Variants in EDIL3 observed in about 807,000 individuals in gnomAD.
The protein encoded by EDIL3 is EGF-like repeat and discoidin I-like domain-containing protein 3.
Under a neutral mutation model 67.4 loss-of-function variants are expected in EDIL3, and 37 were observed. The observed-to-expected ratio is 0.55, with a 90% CI of 0.42 to 0.72. The LOEUF (loss-of-function observed/expected upper bound fraction) is 0.72. Ranked by LOEUF, EDIL3 falls within the 30% of genes least tolerant of loss-of-function variation. The pLI, the probability that EDIL3 is intolerant of heterozygous loss-of-function variation, is 0.00. For missense variants in EDIL3, 527 were observed against 586.3 expected, an observed-to-expected ratio of 0.90 and a Z score of 1.04; for synonymous variants, 195 against 196.3, an observed-to-expected ratio of 0.99 and a Z score of 0.05.
chr5:84,305,874 G>A (rs1044729961), intron 1 of EDIL3, among the ~76,000 whole-genome samples: 2 of 149,412 alleles, frequency 1.3e-5, no homozygotes, highest in Non-Finnish European at 3.0e-5. Flanking sequence ...GCAAGACTTG[G>A]TCTTAAAAGT....
chr5:83,984,582 T>C (rs1232146847), intron 9 of EDIL3, among the ~76,000 whole-genome samples: 3 of 151,724 alleles, frequency 2.0e-5, no homozygotes, highest in Non-Finnish European at 2.9e-5. Flanking sequence ...TGGCTCAGAG[T>C]TTATATGGCA....
intron 4 of EDIL3, among the ~76,000 whole-genome samples, chr5:84,158,539 AT>A (rs1748535404): frequency 6.6e-6 from 1 of 151,986 alleles, no homozygotes; most frequent in Admixed American, 6.6e-5. Context: ...CTAAAACATA[AT>A]TTTAAAGTGC....
chr5:84,311,817 C>G (rs1746395348), intron 1 of EDIL3, among the ~76,000 whole-genome samples: 1 of 152,136 alleles, frequency 6.6e-6, no homozygotes, highest in Non-Finnish European at 1.5e-5. Context: ...TTGCACCACC[C>G]TTAATCCATT....
intron 1 of EDIL3, among the ~76,000 whole-genome samples, chr5:84,369,461 G>A (rs1747802056): frequency 6.6e-6 from 1 of 152,048 alleles, no homozygotes; most frequent in Non-Finnish European, 1.5e-5. Flanking sequence ...AAGACATTAT[G>A]CTAAGTGAAA....
intron 1 of EDIL3, among the ~76,000 whole-genome samples, chr5:84,356,364 TG>T (rs1747480015): frequency 6.6e-6 from 1 of 152,252 alleles, no homozygotes; most frequent in Non-Finnish European, 1.5e-5. Flanking sequence ...GTGGGGAACA[TG>T]CTTTTCCATC....
chr5:83,960,178 T>C (rs1015580706), intron 10 of EDIL3, among the ~76,000 whole-genome samples: 3 of 151,104 alleles, frequency 2.0e-5, no homozygotes, highest in Non-Finnish European at 1.5e-5. Context: ...GTTAGATTTC[T>C]TCTTAAAACT....
At chr5:83,947,737 A>T (rs1168001939) in intron 10 of EDIL3, among the ~76,000 whole-genome samples, 1 of 151,960 alleles carries the variant, frequency 6.6e-6, no homozygotes, top group East Asian at 2.0e-4. Flanking sequence ...TAAAATGTGT[A>T]TCTCTCACTT....
At chr5:84,160,809 CCTTT>C (rs1748597470) in intron 4 of EDIL3, among the ~76,000 whole-genome samples, 2 of 92,802 alleles carry the variant, frequency 2.2e-5, no homozygotes, top group African/African-American at 4.6e-5. Context: ...CCTTTCCTTT[CCTTT>C]CCTTTCCCTT....
chr5:84,232,486 C>T (rs888460048), intron 2 of EDIL3, among the ~76,000 whole-genome samples: 27 of 152,166 alleles, frequency 1.8e-4, no homozygotes, highest in African/African-American at 6.5e-4. Context: ...TTAGCAAGTA[C>T]AGAAATGAAG....
intron 9 of EDIL3, among the ~76,000 whole-genome samples, chr5:83,991,262 T>C (rs1346786613): frequency 6.6e-6 from 1 of 152,162 alleles, no homozygotes; most frequent in East Asian, 1.9e-4. Context: ...CAAGAAACTC[T>C]TTTTTTCCAA....
intron 3 of EDIL3, among the ~76,000 whole-genome samples, chr5:84,215,433 T>C (rs1744209578): frequency 6.6e-6 from 1 of 151,998 alleles, no homozygotes; most frequent in African/African-American, 2.4e-5. Flanking sequence ...TTTTGTATTT[T>C]AGTAGAGATG....
chr5:84,334,356 G>A (rs973060033), intron 1 of EDIL3, among the ~76,000 whole-genome samples: 6 of 152,026 alleles, frequency 3.9e-5, no homozygotes, highest in Non-Finnish European at 7.4e-5. Flanking sequence ...GAGCCACCGC[G>A]CCTGGCCAGA....
In EDIL3 at chr5:83,941,738, A is replaced by G. The variant is rs931241811; in HGVS notation, c.*1681T>C. Reference sequence around the variant, plus strand: ...GCTTCAAATTCATAATTTCATAATAAGAACAAGAAGTAGAAAGCATATGGG... The same window carrying G: ...GCTTCAAATTCATAATTTCATAATAGGAACAAGAAGTAGAAAGCATATGGG... On this transcript the variant is annotated 3_prime_UTR_variant, in exon 11 of 11. Transcript: ENST00000296591. 4 of 152,068 alleles carry G rather than the reference A, an allele frequency of 2.6e-5. No individual in the cohort carries two copies. The highest frequency in any genetic ancestry group is 9.6e-5 in the African/African-American group (4 of 41,452). The allele number at this position is 152,068 out of a possible 1,614,324, so 9.4% of individuals were successfully genotyped here.
At chr5:84,161,817 C>A (rs1430161722) in intron 4 of EDIL3, among the ~76,000 whole-genome samples, 1 of 152,090 alleles carries the variant, frequency 6.6e-6, no homozygotes, top group Non-Finnish European at 1.5e-5. Flanking sequence ...GGGTCTAAAT[C>A]ATTAAAAGTT....
At chr5:84,316,605 T>C (rs903849353) in intron 1 of EDIL3, among the ~76,000 whole-genome samples, 6 of 152,074 alleles carry the variant, frequency 3.9e-5, no homozygotes, top group African/African-American at 1.2e-4. Context: ...CCCAGATTCA[T>C]AAAGCAAGTT....
intron 1 of EDIL3, among the ~76,000 whole-genome samples, chr5:84,297,972 A>T (rs1746085305): frequency 6.6e-6 from 1 of 152,088 alleles, no homozygotes; most frequent in Non-Finnish European, 1.5e-5. Flanking sequence ...TTTAACACAG[A>T]GCTTGGTGTT....
At chr5:84,177,253 G>C (rs1029846991) in intron 4 of EDIL3, among the ~76,000 whole-genome samples, 2 of 152,114 alleles carry the variant, frequency 1.3e-5, no homozygotes, top group South Asian at 2.1e-4. Flanking sequence ...TTATTACTCA[G>C]AGGTAAAAGT....
intron 10 of EDIL3, among the ~76,000 whole-genome samples, chr5:83,957,078 A>G (rs1744528966): frequency 6.6e-6 from 1 of 151,698 alleles, no homozygotes; most frequent in Non-Finnish European, 1.5e-5. Flanking sequence ...GTATAAAGTC[A>G]TGTATTTTTT....
intron 1 of EDIL3, among the ~76,000 whole-genome samples, chr5:84,259,479 T>C (rs1307892051): frequency 6.6e-6 from 1 of 152,246 alleles, no homozygotes; most frequent in Non-Finnish European, 1.5e-5. Context: ...AATTTGATTC[T>C]AACCATGTTT....
Sources: gnomAD v4.1 joint callset for allele counts (sites outside exome capture counted in the v4.1 genomes callset) on GRCh38, gnomAD v4.1.1 for gene constraint, MANE v1.5 for transcripts, NCBI Gene and HGNC (gene_info 2026-07-23, HGNC 2026-07-21) for gene names.